The following CD4 variants were observed in gnomAD, a reference collection of about 807,000 sequenced individuals.
The protein encoded by CD4 is CD4 molecule.
CD4 carries 25 observed loss-of-function variants against 50.5 expected under a neutral mutation model. The observed-to-expected ratio is 0.49, with a 90% CI of 0.36 to 0.69. CD4 has a LOEUF of 0.69. CD4 is among the 30% of genes least tolerant of loss of function. CD4 has a pLI of 0.00. For synonymous variants in CD4, 207 were observed against 221.9 expected (o/e 0.93, Z 0.60); for missense variants, 456 against 548.5 (o/e 0.83, Z 1.68).
chr12:6,794,776 T>G (rs73053739), intron 1 of CD4, among the ~76,000 whole-genome samples: 17,372 of 126,100 alleles, frequency 0.14, 1,385 homozygotes, highest in East Asian at 0.38. Context: ...TGTATGTCTG[T>G]TTTTTTTTTG....
rs770829428 is a variant in CD4, at chr12:6,802,036, G to T, written c.214+1565G>T. On this transcript the variant is annotated intron_variant, in intron 3 of 9. Coordinates refer to ENST00000011653, the MANE Select transcript of CD4 (RefSeq NM_000616.5). ...CTACAGGCGTGTGCCACCATGCCCG[G>T]CTAATTTGCGTATTTTTAGTAGAGA... Among the ~76,000 whole-genome samples the T allele has an allele frequency of 5.4e-3, 820 of 151,446 alleles. 10 individuals carry two copies. The highest frequency in any genetic ancestry group is 0.024 in the Middle Eastern group (7 of 294).
At chr12:6,819,171 C>G (rs1396854226) in intron 9 of CD4, 128 bp from the exon 10 acceptor site, 1 of 937,100 alleles carries the variant, frequency 1.1e-6, no homozygotes, top group African/African-American at 1.6e-5. Flanking sequence ...GAAGGAGCAG[C>G]AGGCCAGGAA....
chr12:6,802,021 G>C (rs1385191847), intron 3 of CD4, among the ~76,000 whole-genome samples: 1 of 149,132 alleles, frequency 6.7e-6, no homozygotes, highest in Non-Finnish European at 1.5e-5. Context: ...CTACAGGCGT[G>C]TGCCACCATG....
Position 6,798,330 on chromosome 12 carries a change from C to A in CD4, c.-67-1742C>A, listed in dbSNP as rs188658328. On this transcript the variant is annotated intron_variant, in intron 1 of 9. Coordinates refer to ENST00000011653, the MANE Select transcript of CD4 (RefSeq NM_000616.5). ...GACTACAGGCGCCCGCCACCACGCC[C>A]GGCTAATTTTTTTGTATTTTTTTAG... is the stretch of plus-strand genomic sequence containing the variant. 4.7e-3 allele frequency among the ~76,000 whole-genome samples: 632 copies of A among 133,936 alleles called. 115 individuals carry two copies. The highest frequency in any genetic ancestry group is 0.017 in the African/African-American group (599 of 36,144). The allele number at this position is 133,936 out of a possible 152,430, so 87.9% of individuals were successfully genotyped here. A position where few individuals can be genotyped will look rare whatever the true frequency, so the allele number is the denominator to read the frequency against.
chr12:6,803,575 G>A (rs1363997477), intron 3 of CD4, among the ~76,000 whole-genome samples: 1 of 150,316 alleles, frequency 6.7e-6, no homozygotes, highest in East Asian at 2.0e-4. Context: ...ACGAGGTCAG[G>A]AGATCAAGAT....
Position 6,813,835 on chromosome 12 carries a change from GA to G in CD4, c.215-306del, listed in dbSNP as rs545271949. Among the ~76,000 whole-genome samples, 5 of 152,264 alleles carry G rather than the reference GA, an allele frequency of 3.3e-5. No homozygotes were observed. In the East Asian group the frequency reaches 7.7e-4, roughly 24 times the overall value. On this transcript the variant is annotated intron_variant, in intron 3 of 9. Coordinates refer to ENST00000011653, the MANE Select transcript of CD4 (RefSeq NM_000616.5). ...TCTGCAAAATAAACAAAACAGTGTTGACAGTATCTATTTCTCGGAATTATTG... is the reference window on the plus strand; with the variant it reads ...TCTGCAAAATAAACAAAACAGTGTTGCAGTATCTATTTCTCGGAATTATTG...
chr12:6,807,843 G>A (rs1201178477), intron 3 of CD4, among the ~76,000 whole-genome samples: 2 of 152,138 alleles, frequency 1.3e-5, no homozygotes, highest in African/African-American at 2.4e-5. Flanking sequence ...CTCTTTGGGA[G>A]GCTGAGACGG....
chr12:6,806,087 C>A (rs1336177076), intron 3 of CD4, among the ~76,000 whole-genome samples: 3 of 150,584 alleles, frequency 2.0e-5, no homozygotes, highest in Non-Finnish European at 3.0e-5. Flanking sequence ...TCACTTCAGC[C>A]CAGAAGTTTG....
chr12:6,818,819 C>T lies in CD4; in HGVS notation c.1279-28C>T, dbSNP rs200616911. ...CTCCCTTCTGGAGGCCTGGGACCCT[C>T]GTGACTCCCTTTCTTGTCCCTGGAC... On this transcript the variant is annotated intron_variant, in intron 8 of 9. Coordinates refer to ENST00000011653, the MANE Select transcript of CD4 (RefSeq NM_000616.5). This position sits in a 1 kb window ranked among gnomAD's most constrained non-coding sequence, Gnocchi z 5.0. 3.8e-5 allele frequency: 61 copies of T among 1,605,526 alleles called. No individual in the cohort carries two copies. The highest frequency in any genetic ancestry group is 6.7e-5 in the Admixed American group (4 of 59,988).
At chr12:6,815,510 A>C (rs1943061938) in intron 5 of CD4, among the ~76,000 whole-genome samples, 1 of 152,126 alleles carries the variant, frequency 6.6e-6, no homozygotes, top group South Asian at 2.1e-4. Flanking sequence ...AGTTTAGTGC[A>C]TGTACGCTGA....
intron 3 of CD4, among the ~76,000 whole-genome samples, chr12:6,808,102 AAGC>A (rs1289977449): frequency 6.8e-6 from 1 of 147,568 alleles, no homozygotes; most frequent in African/African-American, 2.5e-5. Context: ...AAAAAAAAAA[AAGC>A]AGGCAGGCAG....
chr12:6,819,431 C>A lies in CD4; in HGVS notation c.*102C>A. 1 of 1,091,136 alleles carries A rather than the reference C, an allele frequency of 9.2e-7. No homozygotes were observed. Among genetic ancestry groups the A allele is most frequent in the South Asian group, 1.3e-5 (1 of 79,936 alleles). The allele number at this position is 1,091,136 out of a possible 1,614,324, so 67.6% of individuals were successfully genotyped here. The stretch of plus-strand genomic sequence containing the variant: ...ATGTAGCAGATCCCCAGCCTCTGGC[C>A]TCCTGTTCGCCTCCTCTACAATTTG... On this transcript the variant is annotated 3_prime_UTR_variant, in exon 10 of 10. Coordinates refer to ENST00000011653, the MANE Select transcript of CD4 (RefSeq NM_000616.5).
At chr12:6,790,605 G>A (rs1942127426) in intron 1 of CD4, among the ~76,000 whole-genome samples, 1 of 152,198 alleles carries the variant, frequency 6.6e-6, no homozygotes, top group Non-Finnish European at 1.5e-5. Context: ...TCCTGGGCCT[G>A]GCAGGGTGTG....
At chr12:6,802,414 T>C (rs2855536) in intron 3 of CD4, among the ~76,000 whole-genome samples, 1 of 151,828 alleles carries the variant, frequency 6.6e-6, no homozygotes. Flanking sequence ...CCTCAAGTGA[T>C]CTTCCCACTT....
intron 3 of CD4, chr12:6,813,578 G>A (rs1044758818): frequency 4.6e-5 from 7 of 151,996 alleles, no homozygotes; most frequent in African/African-American, 1.5e-4. Flanking sequence ...CCTCTCTTAC[G>A]GCTGCATAGC....
rs1362284153 is a variant in CD4 at position 6,792,120 on chromosome 12, G to A, written c.-68+2458G>A. ...GAAGTTTATAGGAAGCTAGTCAGCA[G>A]TAGAGAGGGTGAACGCGGTGGGGCA... On this transcript the variant is annotated intron_variant, in intron 1 of 9. Coordinates refer to ENST00000011653, the MANE Select transcript of CD4 (RefSeq NM_000616.5). This position sits in a 1 kb window ranked among gnomAD's most constrained non-coding sequence, Gnocchi z 4.1. 6.6e-6 allele frequency among the ~76,000 whole-genome samples: 1 copy of A among 152,198 alleles called. No individual in the cohort carries two copies. The highest frequency in any genetic ancestry group is 1.5e-5 in the Non-Finnish European group (1 of 68,032).
chr12:6,817,383 T>C, intron 7 of CD4, 53 bp downstream of exon 7: 2 of 1,487,406 alleles, frequency 1.3e-6, no homozygotes, highest in Non-Finnish European at 1.8e-6. Flanking sequence ...GACCTTCCTG[T>C]GGTTGGCAGA....
At chr12:6,811,491 C>CTTTTTTTTTTTTTT (rs11318741) in intron 3 of CD4, among the ~76,000 whole-genome samples, 4 of 111,024 alleles carry the variant, frequency 3.6e-5, no homozygotes, top group Non-Finnish European at 6.9e-5. Context: ...TTTTCTTTTT[C>CTTTTTTTTTTTTTT]TTTTTTTTTT....
chr12:6,815,992 A>G, intron 5 of CD4, 64 bp from the exon 6 acceptor site: 1 of 1,603,450 alleles, frequency 6.2e-7, no homozygotes, highest in Non-Finnish European at 8.5e-7. Flanking sequence ...CCACATGCCA[A>G]CCCCACTCGT....
Sources: allele counts gnomAD v4.1 joint callset (sites outside exome capture counted in the v4.1 genomes callset), GRCh38; gene constraint gnomAD v4.1.1; non-coding constraint Gnocchi (gnomAD v3.1); transcripts MANE v1.5; gene names NCBI Gene and HGNC (gene_info 2026-07-23, HGNC 2026-07-21).